The following MSN variants were observed in gnomAD, a reference collection of about 807,000 sequenced individuals.
MSN encodes the protein moesin, also known as epididymis luminal protein 70.
A neutral mutation model predicts 48.0 loss-of-function variants in MSN; 2 were observed. The observed-to-expected ratio is 0.04, with a 90% CI of 0.02 to 0.13. The LOEUF (loss-of-function observed/expected upper bound fraction) is 0.13, where lower values mean the gene tolerates loss of function less well. MSN is among the 10% of genes least tolerant of loss of function. MSN has a pLI of 1.00. For synonymous variants in MSN, 146 were observed against 166.9 expected (o/e 0.87, Z 0.97); for missense variants, 267 against 470.1 (o/e 0.57, Z 3.99).
At chrX:65,659,145 CCTTTTTT>C (rs1259649142) in intron 1 of MSN, among the ~76,000 whole-genome samples, 6 of 107,404 alleles carry the variant, frequency 5.6e-5, no homozygotes, top group African/African-American at 2.0e-4. Context: ...TGCCTGGCTA[CCTTTTTT>C]CTTTTTTCTT....
intron 1 of MSN, among the ~76,000 whole-genome samples, chrX:65,632,922 T>C (rs907607115): frequency 8.9e-5 from 10 of 111,882 alleles, no homozygotes; most frequent in African/African-American, 2.6e-4. Flanking sequence ...AGACTGAAGA[T>C]GAAGGATCAT....
intron 1 of MSN, among the ~76,000 whole-genome samples, chrX:65,649,909 T>C (rs1481124654): frequency 1.9e-5 from 2 of 107,814 alleles, no homozygotes; most frequent in African/African-American, 6.8e-5. Context: ...GCACTGCACA[T>C]GACACACACT....
At chrX:65,629,353 C>A (rs1056979523) in intron 1 of MSN, among the ~76,000 whole-genome samples, 4 of 111,960 alleles carry the variant, frequency 3.6e-5, no homozygotes, top group African/African-American at 1.3e-4. Flanking sequence ...AGCCATTCAA[C>A]AAGTCTCTGG....
intron 1 of MSN, chrX:65,588,818 T>G (rs1300739410): frequency 7.0e-6 from 1 of 143,829 alleles, no homozygotes; most frequent in African/African-American, 3.2e-5. Context: ...CCTCTTGCCC[T>G]CTCTCCCTCT....
chrX:65,617,451 A>T (rs1192736594), intron 1 of MSN, among the ~76,000 whole-genome samples: 1 of 103,350 alleles, frequency 9.7e-6, no homozygotes. Flanking sequence ...GTATGTGTCC[A>T]GGAATTTATG....
chrX:65,704,947 T>C (rs1406956501), intron 1 of MSN, among the ~76,000 whole-genome samples: 1 of 110,144 alleles, frequency 9.1e-6, no homozygotes, highest in African/African-American at 3.3e-5. Context: ...TTTTTTGTAT[T>C]TTTAGGAGAA....
intron 3 of MSN, among the ~76,000 whole-genome samples, chrX:65,728,958 G>A (rs1177878082): frequency 8.9e-6 from 1 of 111,826 alleles, no homozygotes; most frequent in Admixed American, 9.5e-5. Flanking sequence ...AAAGAGTTGA[G>A]TCTTTTGCTG....
chrX:65,738,915 G>A, intron 11 of MSN, 55 bp from the exon 12 acceptor site: 1 of 1,159,732 alleles, frequency 8.6e-7, no homozygotes. Context: ...TATACAGGAT[G>A]CCACAGTTTA....
intron 1 of MSN, among the ~76,000 whole-genome samples, chrX:65,621,186 A>T (rs896269498): frequency 8.9e-6 from 1 of 111,747 alleles, no homozygotes; most frequent in African/African-American, 3.3e-5. Flanking sequence ...AAGCACTGGG[A>T]TTACAGGCAT....
upstream of MSN, among the ~76,000 whole-genome samples, chrX:65,662,668 T>A (rs1178088969): frequency 1.8e-5 from 2 of 112,495 alleles, no homozygotes; most frequent in African/African-American, 3.2e-5. Flanking sequence ...ATTTAAGATC[T>A]CAAACTATAA....
intron 1 of MSN, among the ~76,000 whole-genome samples, chrX:65,706,365 C>T (rs979967483): frequency 1.5e-4 from 17 of 111,613 alleles, no homozygotes; most frequent in African/African-American, 4.6e-4. Flanking sequence ...TCTGGGATTG[C>T]GTTGGTAGGG....
chrX:65,594,728 G>A (rs2070173869), intron 1 of MSN, among the ~76,000 whole-genome samples: 1 of 111,332 alleles, frequency 9.0e-6, no homozygotes, highest in African/African-American at 3.3e-5. Flanking sequence ...AAGTAGGGCT[G>A]CAACCATCCC....
chrX:65,697,763 C>T (rs1174804788), intron 1 of MSN, among the ~76,000 whole-genome samples: 1 of 112,421 alleles, frequency 8.9e-6, no homozygotes, highest in Non-Finnish European at 1.9e-5. Flanking sequence ...ATGTCATCTT[C>T]CAGTCTCCAA....
chrX:65,664,288 A>G (rs1283157833), upstream of MSN, among the ~76,000 whole-genome samples: 1 of 110,980 alleles, frequency 9.0e-6, no homozygotes, highest in African/African-American at 3.3e-5. Context: ...TACAGACATA[A>G]ACATGGGCAC....
intron 1 of MSN, chrX:65,589,525 T>C (rs1383344154): frequency 8.9e-6 from 1 of 112,209 alleles, no homozygotes; most frequent in Non-Finnish European, 1.9e-5. Flanking sequence ...CCTGCCTGGG[T>C]GCCTTGGCTG....
intron 1 of MSN, among the ~76,000 whole-genome samples, chrX:65,643,237 C>T (rs1292570490): frequency 9.0e-6 from 1 of 111,684 alleles, no homozygotes; most frequent in Non-Finnish European, 1.9e-5. Flanking sequence ...ATCTTGAATG[C>T]TTTCCAAAAT....
In MSN at chrX:65,642,667, A is replaced by G. The variant is rs182889776; in HGVS notation, c.-22+54055A>G. On this transcript the variant is annotated intron_variant, in intron 1 of 3. Coordinates refer to the MSN transcript ENST00000609672. ...TGACTTATATAAATGCAGCTCTTTG[A>G]ATCCCTAGCTCTCCTGTGATTGAGT... is the stretch of plus-strand genomic sequence containing the variant. Among the ~76,000 whole-genome samples the G allele has an allele frequency of 8.9e-5, 10 of 111,753 alleles. 1 individual carries two copies. The South Asian group carries it at 1.9e-3, about 21-fold the overall frequency.
intron 1 of MSN, among the ~76,000 whole-genome samples, chrX:65,651,640 T>G (rs1188338983): frequency 9.4e-6 from 1 of 106,489 alleles, no homozygotes; most frequent in African/African-American, 3.4e-5. Context: ...CAGGCTGGAG[T>G]GCAATGGCAC....
At chrX:65,626,358 T>C (rs2070506231) in intron 1 of MSN, among the ~76,000 whole-genome samples, 1 of 111,936 alleles carries the variant, frequency 8.9e-6, no homozygotes, top group Admixed American at 9.6e-5. Flanking sequence ...TGTGATTTGT[T>C]TTTGTTGAAA....
Sources: gnomAD v4.1 joint callset for allele counts (sites outside exome capture counted in the v4.1 genomes callset) on GRCh38, gnomAD v4.1.1 for gene constraint, MANE v1.5 for transcripts, NCBI Gene and HGNC (gene_info 2026-07-23, HGNC 2026-07-21) for gene names.